WHRN: variants seen among roughly 807,000 people sequenced by gnomAD.
The protein encoded by WHRN is whirlin, also known as CASK-interacting protein CIP98.
Under a neutral mutation model 68.3 loss-of-function variants are expected in WHRN, and 41 were observed. That is an observed-to-expected ratio of 0.60 (90% CI 0.47 to 0.78). The LOEUF is 0.78. Among genes scored for constraint, WHRN ranks in the 30% least tolerant of loss-of-function variants. The probability of loss-of-function intolerance (pLI) is 0.00; values close to 1 mark genes in which losing one functional copy is unlikely to be tolerated. For missense variants in WHRN, 1,243 were observed against 1,244.7 expected (o/e 1.00, Z 0.02); for synonymous variants, 560 against 561.3 (o/e 1.00, Z 0.03).
At position 114,504,534 on chromosome 9, in the gene WHRN, G is replaced by A. The variant is rs1273147651; in HGVS notation, c.268C>T (p.Leu90=). Residue 90 remains leucine, a synonymous_variant, in exon 1 of 12, where the codon CTG becomes TTG. Coordinates refer to ENST00000362057, the MANE Select transcript of WHRN (RefSeq NM_015404.4). ...VLLDSPVKRR[L]LPMLRLVIPR... is the part of the protein sequence containing the mutation. Reference sequence around the variant, plus strand: ...ATGACCAGACGAAGCATGGGCAGCAGGCGCCGCTTGACCGGACTGTCCAGC... The same window carrying A: ...ATGACCAGACGAAGCATGGGCAGCAAGCGCCGCTTGACCGGACTGTCCAGC... 4 of 1,610,522 alleles carry A rather than the reference G, an allele frequency of 2.5e-6. No individual in the cohort carries two copies. Among genetic ancestry groups the A allele is most frequent in the Non-Finnish European group, 2.5e-6 (3 of 1,179,822 alleles).
At chr9:114,460,138 T>C (rs1364484349) in intron 3 of WHRN, among the ~76,000 whole-genome samples, 1 of 152,172 alleles carries the variant, frequency 6.6e-6, no homozygotes, top group African/African-American at 2.4e-5. Context: ...GGAAACTTGG[T>C]GATTTCTAAG....
rs760854293 is a variant in WHRN at position 114,403,908 on chromosome 9, C to A, written c.2406G>T (p.Gly802=). The A allele has an allele frequency of 1.2e-6, 2 of 1,610,892 alleles. No individual in the cohort carries two copies. Among genetic ancestry groups the A allele is most frequent in the Non-Finnish European group, 1.7e-6 (2 of 1,180,002 alleles). The change falls in exon 10 of 12, where the codon GGG becomes GGT. Residue 802 remains glycine, a synonymous_variant. Transcript: ENST00000362057. ...CCTCCTGGCTCACCGGTTTGTTGGC[C>A]CCATCTGTGGGCCTCTCGTTCCGAG... ...ELPRNERPTD[G]ANKPPGLLEP... is the part of the protein sequence containing the mutation.
intron 1 of WHRN, among the ~76,000 whole-genome samples, chr9:114,490,861 T>C (rs572481626): frequency 2.0e-5 from 3 of 152,342 alleles, no homozygotes; most frequent in East Asian, 1.9e-4. Flanking sequence ...AAACAACTCA[T>C]AAGGACAGAA....
Position 114,422,871 on chromosome 9 carries a change from C to T in WHRN, c.1626+443G>A, listed in dbSNP as rs115377730. ...AGAAAGTCAAACTGGGCTTGGGCTC[C>T]AGAGACAAAAGGGTGGCCTCTTGGG... On this transcript the variant is annotated intron_variant, in intron 7 of 11. Transcript: ENST00000362057. 9.7e-3 allele frequency among the ~76,000 whole-genome samples: 1,481 copies of T among 152,198 alleles called. 17 individuals are homozygous for T. Among genetic ancestry groups the T allele is most frequent in the African/African-American group, 0.034 (1,407 of 41,512 alleles).
intron 3 of WHRN, among the ~76,000 whole-genome samples, chr9:114,457,331 C>T (rs571490510): frequency 6.6e-6 from 1 of 152,176 alleles, no homozygotes; most frequent in East Asian, 1.9e-4. Flanking sequence ...GTAAAGTAAA[C>T]AAACAAATAA....
At chr9:114,487,595 A>G (rs1842650366) in intron 1 of WHRN, among the ~76,000 whole-genome samples, 1 of 152,222 alleles carries the variant, frequency 6.6e-6, no homozygotes, top group East Asian at 1.9e-4. Flanking sequence ...ATCACCTGCG[A>G]TGAACATCCT....
intron 3 of WHRN, among the ~76,000 whole-genome samples, chr9:114,428,476 AAAGT>A (rs1342317271): frequency 2.0e-5 from 3 of 152,174 alleles, no homozygotes; most frequent in South Asian, 4.1e-4. Context: ...AACATCCTAT[AAAGT>A]AAGTATCATA....
At chr9:114,498,644 G>A (rs1045317616) in intron 1 of WHRN, among the ~76,000 whole-genome samples, 3 of 152,142 alleles carry the variant, frequency 2.0e-5, no homozygotes, top group African/African-American at 7.2e-5. Flanking sequence ...GTCTCTGGGT[G>A]GTTCTTAAAA....
At chr9:114,478,489 G>C in intron 2 of WHRN, 64 bp downstream of exon 2, 2 of 1,580,346 alleles carry the variant, frequency 1.3e-6, no homozygotes, top group Middle Eastern at 1.7e-4. Context: ...CAGCTCTGCT[G>C]TTCTGGGTTC....
chr9:114,490,259 T>A lies in WHRN; in HGVS notation c.619-11488A>T, dbSNP rs140002524. 2.9e-3 allele frequency among the ~76,000 whole-genome samples: 446 copies of A among 152,196 alleles called. 2 individuals are homozygous for A. The highest frequency in any genetic ancestry group is 0.01 in the African/African-American group (432 of 41,532). ...AGGATCATTAAACGCAATGACAACA[T>A]ACGTCAAAAAGAAATGCAAGGAAGC... On this transcript the variant is annotated intron_variant, in intron 1 of 11. Coordinates refer to ENST00000362057, the MANE Select transcript of WHRN (RefSeq NM_015404.4).
chr9:114,461,696 T>A (rs1471600284), intron 3 of WHRN, among the ~76,000 whole-genome samples: 1 of 152,212 alleles, frequency 6.6e-6, no homozygotes, highest in East Asian at 1.9e-4. Context: ...TTTCACATAA[T>A]TAGTTTTGTT....
chr9:114,447,012 G>A (rs1036608997), intron 3 of WHRN, among the ~76,000 whole-genome samples: 2 of 151,770 alleles, frequency 1.3e-5, no homozygotes, highest in Non-Finnish European at 2.9e-5. Context: ...CTTCCTGGAA[G>A]AGCTCTTCCT....
At chr9:114,447,133 T>C (rs894853621) in intron 3 of WHRN, among the ~76,000 whole-genome samples, 4 of 152,148 alleles carry the variant, frequency 2.6e-5, no homozygotes, top group African/African-American at 4.8e-5. Context: ...GTCAGGCACA[T>C]AGAGAGGCTC....
chr9:114,448,693 G>A (rs1640954499), intron 3 of WHRN, among the ~76,000 whole-genome samples: 1 of 152,182 alleles, frequency 6.6e-6, no homozygotes, highest in South Asian at 2.1e-4. Context: ...GTGGAAAGAT[G>A]ACAGGGAGAG....
At chr9:114,478,884 G>T in intron 1 of WHRN, 113 bp from the exon 2 acceptor site, 1 of 1,002,372 alleles carries the variant, frequency 1.0e-6, no homozygotes, top group Non-Finnish European at 1.5e-6. Context: ...TGGAAGAAGA[G>T]GCCAGCCCTG....
chr9:114,466,715 C>T (rs1336692625), intron 2 of WHRN, among the ~76,000 whole-genome samples: 1 of 152,118 alleles, frequency 6.6e-6, no homozygotes, highest in African/African-American at 2.4e-5. Flanking sequence ...TTTGCTCATG[C>T]TCTTCACGCC....
At chr9:114,453,662 T>TGA (rs1839527225) in intron 3 of WHRN, among the ~76,000 whole-genome samples, 1 of 152,190 alleles carries the variant, frequency 6.6e-6, no homozygotes, top group Non-Finnish European at 1.5e-5. Flanking sequence ...ACCAATTTCT[T>TGA]GAGAGACGCA....
At chr9:114,459,665 A>G (rs934645339) in intron 3 of WHRN, among the ~76,000 whole-genome samples, 2 of 152,174 alleles carry the variant, frequency 1.3e-5, no homozygotes, top group African/African-American at 2.4e-5. Context: ...TGAAGTCGAT[A>G]TGGTCAGGCT....
At chr9:114,437,743 C>G (rs1261286560) in intron 3 of WHRN, among the ~76,000 whole-genome samples, 1 of 152,202 alleles carries the variant, frequency 6.6e-6, no homozygotes, top group Admixed American at 6.5e-5. Flanking sequence ...GCCTTCCCAG[C>G]CTACAGAAAT....
Sources: allele counts gnomAD v4.1 joint callset (sites outside exome capture counted in the v4.1 genomes callset), GRCh38; gene constraint gnomAD v4.1.1; transcripts MANE v1.5; gene names NCBI Gene and HGNC (gene_info 2026-07-23, HGNC 2026-07-21).